EPC1: variants seen among roughly 807,000 people sequenced by gnomAD.
EPC1 encodes the protein enhancer of polycomb 1, also known as enhancer of polycomb homolog 1.
In EPC1, 12 loss-of-function variants were observed where a neutral mutation model predicts 98.4. That is an observed-to-expected ratio of 0.12 (90% confidence interval 0.08 to 0.20). The LOEUF is 0.20. Among genes scored for constraint, EPC1 ranks in the 10% least tolerant of loss-of-function variants. The pLI, the probability that EPC1 is intolerant of heterozygous loss-of-function variation, is 1.00. For synonymous variants in EPC1, 357 were observed against 363.9 expected (o/e 0.98, Z 0.21); for missense variants, 729 against 990.5 (o/e 0.74, Z 3.54).
At chr10:32,294,947 T>TC in intron 2 of EPC1, among the ~76,000 whole-genome samples, 1 of 152,282 alleles carries the variant, frequency 6.6e-6, no homozygotes, top group Non-Finnish European at 1.5e-5. Flanking sequence ...TCCCTGTTTT[T>TC]CTGCTTGCCC....
At chr10:32,279,508 A>G (rs920710099) in intron 10 of EPC1, among the ~76,000 whole-genome samples, 1 of 152,230 alleles carries the variant, frequency 6.6e-6, no homozygotes, top group East Asian at 1.9e-4. Context: ...ACTAAATTGC[A>G]CTAAGTTACG....
At chr10:32,320,892 C>A (rs1836867295) in intron 1 of EPC1, among the ~76,000 whole-genome samples, 3 of 128,290 alleles carry the variant, frequency 2.3e-5, no homozygotes, top group South Asian at 6.2e-4. Flanking sequence ...CGGCTTTTGA[C>A]CACTGTTCAT....
chr10:32,360,219 T>C (rs1839403195), intron 1 of EPC1, among the ~76,000 whole-genome samples: 1 of 152,222 alleles, frequency 6.6e-6, no homozygotes, highest in South Asian at 2.1e-4. Flanking sequence ...ATTCATATGT[T>C]GTATCAGTAG....
intron 1 of EPC1, 53 bp downstream of exon 1, chr10:32,346,710 G>A (rs1350052873): frequency 3.2e-6 from 5 of 1,551,216 alleles, no homozygotes; most frequent in South Asian, 1.1e-5. Flanking sequence ...GCCGCCGCAG[G>A]CAGCAGAGGG....
chr10:32,349,437 T>C (rs1166653241), upstream of EPC1, among the ~76,000 whole-genome samples: 1 of 152,174 alleles, frequency 6.6e-6, no homozygotes, highest in Non-Finnish European at 1.5e-5. Context: ...GCAGATAATA[T>C]TATATGCCTG....
chr10:32,344,685 C>T (rs1016450860), intron 1 of EPC1, among the ~76,000 whole-genome samples: 5 of 152,158 alleles, frequency 3.3e-5, no homozygotes, highest in Admixed American at 6.5e-5. Context: ...ACTGGGGAGG[C>T]TGAGGAAGGA....
At chr10:32,341,696 T>C (rs1838366514) in intron 1 of EPC1, among the ~76,000 whole-genome samples, 1 of 152,240 alleles carries the variant, frequency 6.6e-6, no homozygotes, top group South Asian at 2.1e-4. Context: ...ATGTAAAGTG[T>C]TCAAAAGGTC....
intron 10 of EPC1, among the ~76,000 whole-genome samples, chr10:32,275,368 G>A (rs1836026605): frequency 6.6e-6 from 1 of 151,910 alleles, no homozygotes; most frequent in Non-Finnish European, 1.5e-5. Context: ...GCGCGGTGGC[G>A]CACGCCTGTA....
chr10:32,323,912 T>C (rs953687804), intron 1 of EPC1, among the ~76,000 whole-genome samples: 6 of 152,174 alleles, frequency 3.9e-5, no homozygotes, highest in African/African-American at 1.4e-4. Flanking sequence ...ATTAATGGCC[T>C]AAATTGTTAT....
intron 2 of EPC1, among the ~76,000 whole-genome samples, chr10:32,302,070 G>A (rs555921164): frequency 8.6e-4 from 130 of 150,572 alleles, no homozygotes; most frequent in African/African-American, 2.9e-3. Flanking sequence ...TCAGGAGATC[G>A]AGACCGTCCT....
intron 2 of EPC1, among the ~76,000 whole-genome samples, chr10:32,305,449 G>A (rs936602456): frequency 6.6e-6 from 1 of 151,202 alleles, no homozygotes; most frequent in African/African-American, 2.4e-5. Flanking sequence ...AGTTCTTTAA[G>A]ACTATTAATA....
At chr10:32,280,568 G>A (rs970877456) in intron 10 of EPC1, among the ~76,000 whole-genome samples, 5 of 152,066 alleles carry the variant, frequency 3.3e-5, no homozygotes, top group South Asian at 4.1e-4. Context: ...GTGAAACCCC[G>A]TCTCTACTAA....
chr10:32,280,283 C>T (rs1463955883), intron 10 of EPC1, among the ~76,000 whole-genome samples: 3 of 152,054 alleles, frequency 2.0e-5, no homozygotes, highest in African/African-American at 7.2e-5. Flanking sequence ...GGTGAAACCC[C>T]GTCTCTACTA....
intron 2 of EPC1, among the ~76,000 whole-genome samples, chr10:32,297,859 G>A (rs1482438646): frequency 2.6e-5 from 4 of 152,054 alleles, no homozygotes; most frequent in Admixed American, 1.3e-4. Context: ...GTGCAGTGGC[G>A]TGATCTCGGC....
At chr10:32,322,954 T>C (rs1318344530) in intron 1 of EPC1, among the ~76,000 whole-genome samples, 11 of 152,098 alleles carry the variant, frequency 7.2e-5, no homozygotes, top group African/African-American at 2.4e-5. Context: ...AAAACCATGA[T>C]TTATTGTATA....
intron 1 of EPC1, among the ~76,000 whole-genome samples, chr10:32,366,768 A>G (rs1465575284): frequency 6.6e-6 from 1 of 152,230 alleles, no homozygotes; most frequent in African/African-American, 2.4e-5. Flanking sequence ...AGGCATTGAA[A>G]GAATCATGAA....
Position 32,268,721 on chromosome 10 carries a change from T to G in EPC1, c.*342A>C. On this transcript the variant is annotated 3_prime_UTR_variant, in exon 14 of 14. Coordinates refer to ENST00000319778, the MANE Select transcript of EPC1 (RefSeq NM_001272004.3). ...CACTTCATCTCTATACAATCTCACA[T>G]CTCACACTCTTTGTTGCAATTGATT... The G allele has an allele frequency of 5.4e-6, 1 of 185,520 alleles. No homozygotes were observed. The highest frequency in any genetic ancestry group is 1.1e-5 in the Non-Finnish European group (1 of 88,732). 11.5% of individuals were successfully genotyped at this position (185,520 alleles called of 1,614,324 possible).
intron 3 of EPC1, 64 bp from the exon 4 acceptor site, chr10:32,293,258 T>C: frequency 8.0e-7 from 1 of 1,257,662 alleles, no homozygotes; most frequent in Non-Finnish European, 1.1e-6. Context: ...AGTATTTACT[T>C]CTAAATTTAA....
chr10:32,365,819 CAAAAAAAAAAAAAAAAAAA>C (rs55769539), intron 1 of EPC1, among the ~76,000 whole-genome samples: 1 of 38,428 alleles, frequency 2.6e-5, no homozygotes, highest in East Asian at 1.0e-3. Context: ...CTCCGTCTCA[CAAAAAAAAAAAAAAAAAAA>C]AAAAAAAAAA....
Sources: gnomAD v4.1 joint callset for allele counts (sites outside exome capture counted in the v4.1 genomes callset) on GRCh38, gnomAD v4.1.1 for gene constraint, MANE v1.5 for transcripts, NCBI Gene and HGNC (gene_info 2026-07-23, HGNC 2026-07-21) for gene names.